Variants in WNK1 observed in about 807,000 individuals in gnomAD.
WNK1 encodes WNK lysine deficient protein kinase 1, also known as serine/threonine-protein kinase WNK1.
In WNK1, 38 loss-of-function variants were observed where a neutral mutation model predicts 222.8. The observed-to-expected ratio is 0.17, with a 90% CI of 0.13 to 0.22. The LOEUF is 0.22. Among genes scored for constraint, WNK1 ranks in the 10% least tolerant of loss-of-function variants. WNK1 has a pLI of 1.00. For synonymous variants in WNK1, 1,090 were observed against 1,092.9 expected, an observed-to-expected ratio of 1.00 and a Z score of 0.05; for missense variants, 2,348 against 2,918.4, an observed-to-expected ratio of 0.80 and a Z score of 4.50.
Position 908,861 on chromosome 12 carries a change from G to GCCCC in WNK1, c.*69_*70insCCCC. 2.0e-6 allele frequency: 1 copy of GCCCC among 491,846 alleles called. No individual in the cohort carries two copies. The highest frequency in any genetic ancestry group is 4.1e-6 in the Non-Finnish European group (1 of 241,770). The allele number at this position is 491,846 out of a possible 1,614,324, so 30.5% of individuals were successfully genotyped here. On this transcript the variant is annotated 3_prime_UTR_variant, in exon 28 of 28. Transcript: ENST00000315939. ...ATGCTGAGGGGGTGGGTGGGGGTGG[G>GCCCC]AAGTAGCCTATATACTAACTACTAG...
At chr12:840,385 G>T (rs937839371) in intron 4 of WNK1, among the ~76,000 whole-genome samples, 4 of 147,902 alleles carry the variant, frequency 2.7e-5, no homozygotes, top group Non-Finnish European at 4.4e-5. Context: ...TCCTACTTTA[G>T]CCTCCCAAAA....
At chr12:856,505 A>C (rs1049200246) in intron 4 of WNK1, among the ~76,000 whole-genome samples, 5 of 152,174 alleles carry the variant, frequency 3.3e-5, no homozygotes, top group Non-Finnish European at 5.9e-5. Flanking sequence ...TAAAGATTTT[A>C]AACTATTACT....
intron 1 of WNK1, among the ~76,000 whole-genome samples, chr12:772,474 T>C (rs1395009328): frequency 1.3e-5 from 2 of 152,060 alleles, no homozygotes; most frequent in Non-Finnish European, 2.9e-5. Context: ...TGTATGTATG[T>C]ATGTATGCCA....
At chr12:860,158 T>G (rs1592054848) in intron 6 of WNK1, among the ~76,000 whole-genome samples, 1 of 152,342 alleles carries the variant, frequency 6.6e-6, no homozygotes, top group East Asian at 1.9e-4. Flanking sequence ...TGTATAAGCA[T>G]CATTCATTAA....
intron 1 of WNK1, among the ~76,000 whole-genome samples, chr12:810,626 G>A (rs1946821277): frequency 6.6e-6 from 1 of 152,204 alleles, no homozygotes; most frequent in South Asian, 2.1e-4. Context: ...CAATAGCAAA[G>A]GATGGGATTG....
intron 9 of WNK1, among the ~76,000 whole-genome samples, chr12:872,157 G>C (rs1471346751): frequency 6.6e-6 from 1 of 151,622 alleles, no homozygotes; most frequent in Non-Finnish European, 1.5e-5. Flanking sequence ...AGACAGCCTT[G>C]CTCTGTTGCC....
chr12:790,795 C>G (rs541208901), intron 1 of WNK1, among the ~76,000 whole-genome samples: 3 of 151,904 alleles, frequency 2.0e-5, no homozygotes, highest in Non-Finnish European at 4.4e-5. Flanking sequence ...TTCTTTTTTC[C>G]TTCCTTCCTT....
chr12:903,083 A>G (rs1412396865), intron 26 of WNK1, among the ~76,000 whole-genome samples: 1 of 152,226 alleles, frequency 6.6e-6, no homozygotes, highest in African/African-American at 2.4e-5. Context: ...TTTAAAGCGA[A>G]GCATATGACA....
chr12:775,517 C>G (rs1942987245), intron 1 of WNK1, among the ~76,000 whole-genome samples: 1 of 152,038 alleles, frequency 6.6e-6, no homozygotes, highest in African/African-American at 2.4e-5. Flanking sequence ...TGAGACCAGC[C>G]TGAGCAACAT....
chr12:879,471 T>TTTTTTTTGGG, intron 10 of WNK1, 102 bp from the exon 11 acceptor site: 3 of 749,698 alleles, frequency 4.0e-6, no homozygotes, highest in East Asian at 3.3e-5. Context: ...TGTTTTTTCC[T>TTTTTTTTGGG]TCTTTTTGGC....
In WNK1 at chr12:859,336, A is replaced by G. The variant is rs76848073; in HGVS notation, c.1492A>G (p.Ile498Val). 2 of 1,613,314 alleles carry G rather than the reference A, an allele frequency of 1.2e-6. No homozygotes were observed. The highest frequency in any genetic ancestry group is 1.3e-5 in the African/African-American group (1 of 74,904). The change falls in exon 6 of 28, where the codon ATA becomes GTA. Residue 498 changes from isoleucine (I) to valine (V), a missense_variant. Ile to Val is a conservative substitution (Grantham distance 29). Around this residue, in one of 13 missense-constraint regions of WNK1, gnomAD observed 37 missense variants for 102.8 expected, o/e 0.36. Transcript: ENST00000315939. Reference protein sequence around the residue: ...ELAEEDDGEKIAIKLWLRIED... With the variant: ...ELAEEDDGEKVAIKLWLRIED... ...AGCAGAAGAAGATGATGGAGAAAAA[A>G]TAGCCATAAAATTATGGCTACGTAT... is the stretch of plus-strand genomic sequence containing the variant.
At chr12:757,568 T>G (rs1361748960) in intron 1 of WNK1, among the ~76,000 whole-genome samples, 1 of 152,136 alleles carries the variant, frequency 6.6e-6, no homozygotes, top group East Asian at 1.9e-4. Context: ...ATTACCGAGA[T>G]GTTTAAGATG....
At chr12:906,440 G>C in intron 26 of WNK1, 1 of 985,312 alleles carries the variant, frequency 1.0e-6, no homozygotes, top group African/African-American at 1.7e-5. Context: ...CCCTGCCTCA[G>C]CTGCATTTTC....
At chr12:804,691 C>A (rs1391667850) in intron 1 of WNK1, among the ~76,000 whole-genome samples, 1 of 151,908 alleles carries the variant, frequency 6.6e-6, no homozygotes. Flanking sequence ...AAACTCTTAG[C>A]TCTTAAAAAC....
At chr12:868,856 A>T in intron 8 of WNK1, 1 of 1,613,470 alleles carries the variant, frequency 6.2e-7, no homozygotes, top group Non-Finnish European at 8.5e-7. Flanking sequence ...GAACTGGCCA[A>T]TAGGAAGCCC....
At chr12:907,562 T>C (rs550719489) in intron 26 of WNK1, among the ~76,000 whole-genome samples, 1 of 152,356 alleles carries the variant, frequency 6.6e-6, no homozygotes, top group South Asian at 2.1e-4. Flanking sequence ...CCAATACTCT[T>C]AGGTGCTTTG....
chr12:760,426 A>G (rs1234707644), intron 1 of WNK1, among the ~76,000 whole-genome samples: 6 of 147,908 alleles, frequency 4.1e-5, no homozygotes, highest in East Asian at 3.9e-4. Context: ...AACTTAATCT[A>G]TAATGCTCAT....
chr12:863,562 T>C (rs1270275127), intron 8 of WNK1, among the ~76,000 whole-genome samples: 1 of 152,144 alleles, frequency 6.6e-6, no homozygotes, highest in East Asian at 1.9e-4. Context: ...AGACTTTTTT[T>C]TTAAAATTTT....
intron 4 of WNK1, among the ~76,000 whole-genome samples, chr12:841,803 T>C (rs1949647432): frequency 6.6e-6 from 1 of 152,042 alleles, no homozygotes; most frequent in Non-Finnish European, 1.5e-5. Flanking sequence ...GTCAAAAAGC[T>C]CCCTCCGGAC....
Sources: gnomAD v4.1 joint callset for allele counts (sites outside exome capture counted in the v4.1 genomes callset) on GRCh38, gnomAD v4.1.1 for gene constraint, gnomAD v4.1.1 regional missense constraint, MANE v1.5 for transcripts, NCBI Gene and HGNC (gene_info 2026-07-23, HGNC 2026-07-21) for gene names.